CERS6: variants seen among roughly 807,000 people sequenced by gnomAD.
The protein encoded by CERS6 is ceramide synthase 6.
A neutral mutation model predicts 56.8 loss-of-function variants in CERS6; 26 were observed. The ratio of observed to expected loss-of-function variants is 0.46; its 90% CI spans 0.34 to 0.63. The LOEUF is 0.63. CERS6 is among the 30% of genes least tolerant of loss of function. The pLI, the probability that CERS6 is intolerant of heterozygous loss-of-function variation, is 0.01. For synonymous variants in CERS6, 164 were observed against 173.3 expected (o/e 0.95, Z 0.42); for missense variants, 415 against 467.5 (o/e 0.89, Z 1.04).
chr2:168,627,513 G>A (rs1197900767), intron 3 of CERS6, among the ~76,000 whole-genome samples: 1 of 151,998 alleles, frequency 6.6e-6, no homozygotes, highest in Non-Finnish European at 1.5e-5. Flanking sequence ...CTTTCTTTTG[G>A]CACTTAATAA....
intron 1 of CERS6, among the ~76,000 whole-genome samples, chr2:168,536,447 T>G (rs1323979516): frequency 6.6e-6 from 1 of 152,066 alleles, no homozygotes; most frequent in African/African-American, 2.4e-5. Flanking sequence ...ATAAGTAGAT[T>G]CTAGCTGCTT....
At chr2:168,550,282 C>G (rs1695542682) in intron 2 of CERS6, among the ~76,000 whole-genome samples, 1 of 152,002 alleles carries the variant, frequency 6.6e-6, no homozygotes, top group African/African-American at 2.4e-5. Context: ...CTCAAATGAT[C>G]CTCTTGCTTC....
At chr2:168,600,506 C>T (rs1683909852) in intron 3 of CERS6, among the ~76,000 whole-genome samples, 1 of 152,154 alleles carries the variant, frequency 6.6e-6, no homozygotes, top group Non-Finnish European at 1.5e-5. Flanking sequence ...GCCCGGCCTG[C>T]CATACTTCTC....
At position 168,588,457 on chromosome 2, in the gene CERS6, G is replaced by C. The variant is rs1399612275; in HGVS notation, c.407+27135G>C. Among the ~76,000 whole-genome samples, 3 of 151,800 alleles carry C rather than the reference G, an allele frequency of 2.0e-5. No homozygotes were observed. The East Asian group carries it at 5.8e-4, about 29-fold the overall frequency. The stretch of plus-strand genomic sequence containing the variant: ...TCCCTCATAACCCCCACTCTACTTT[G>C]TTTCTATGAATTTAATGACCGTAAG... On this transcript the variant is annotated intron_variant, in intron 3 of 9. Transcript: ENST00000305747.
chr2:168,460,329 G>C (rs1693756718), intron 1 of CERS6, among the ~76,000 whole-genome samples: 1 of 151,886 alleles, frequency 6.6e-6, no homozygotes, highest in Non-Finnish European at 1.5e-5. Flanking sequence ...CGAGTAGCTA[G>C]GACCACAGGT....
At chr2:168,678,531 A>G (rs1686126090) in intron 4 of CERS6, among the ~76,000 whole-genome samples, 1 of 152,114 alleles carries the variant, frequency 6.6e-6, no homozygotes, top group Non-Finnish European at 1.5e-5. Flanking sequence ...CTACCTTCAT[A>G]ATATGTTTCT....
chr2:168,598,486 G>A (rs1266013355), intron 3 of CERS6, among the ~76,000 whole-genome samples: 1 of 151,534 alleles, frequency 6.6e-6, no homozygotes, highest in Non-Finnish European at 1.5e-5. Context: ...AAAAATAATG[G>A]CAAGGGGCAA....
At chr2:168,521,537 A>G (rs1694983588) in intron 1 of CERS6, among the ~76,000 whole-genome samples, 1 of 152,186 alleles carries the variant, frequency 6.6e-6, no homozygotes, top group Non-Finnish European at 1.5e-5. Flanking sequence ...GGAGATGGTG[A>G]TAGTAACACA....
chr2:168,765,459 C>G, intron 8 of CERS6, 133 bp from the exon 9 acceptor site: 2 of 818,556 alleles, frequency 2.4e-6, no homozygotes, highest in Non-Finnish European at 3.6e-6. Context: ...ACCTGGCAAG[C>G]TTTCACACCA....
chr2:168,581,667 C>T (rs1009737950), intron 3 of CERS6, among the ~76,000 whole-genome samples: 1 of 151,976 alleles, frequency 6.6e-6, no homozygotes, highest in African/African-American at 2.4e-5. Flanking sequence ...TCATAGTTTC[C>T]TGTTCTTTGC....
chr2:168,494,079 G>A lies in CERS6; in HGVS notation c.170+37461G>A, dbSNP rs559143966. 2.0e-5 allele frequency among the ~76,000 whole-genome samples: 3 copies of A among 152,234 alleles called. No homozygotes were observed. In the South Asian group the frequency reaches 6.2e-4, roughly 32 times the overall value. On this transcript the variant is annotated intron_variant, in intron 1 of 9. Coordinates refer to ENST00000305747, the MANE Select transcript of CERS6 (RefSeq NM_203463.3). ...CCAGTGTTGTAGGAGGAATCGTCGAGGGCTCAGGGAATGTTTCTCTTGTCC... is the reference window on the plus strand; with the variant it reads ...CCAGTGTTGTAGGAGGAATCGTCGAAGGCTCAGGGAATGTTTCTCTTGTCC...
At chr2:168,676,889 G>A (rs921035795) in intron 4 of CERS6, among the ~76,000 whole-genome samples, 1 of 151,976 alleles carries the variant, frequency 6.6e-6, no homozygotes, top group African/African-American at 2.4e-5. Context: ...TTCTAATCGC[G>A]ACTGTCTGCT....
intron 6 of CERS6, among the ~76,000 whole-genome samples, chr2:168,701,203 A>C (rs1686797476): frequency 6.6e-6 from 1 of 152,162 alleles, no homozygotes; most frequent in South Asian, 2.1e-4. Flanking sequence ...GTTTTAAACC[A>C]CTGAGGTTTT....
intron 4 of CERS6, among the ~76,000 whole-genome samples, chr2:168,683,459 T>C (rs1686268142): frequency 6.6e-6 from 1 of 152,218 alleles, no homozygotes; most frequent in Non-Finnish European, 1.5e-5. Context: ...TCTTTACATA[T>C]TAGAAATAGT....
chr2:168,633,481 A>G (rs932290490), intron 4 of CERS6, among the ~76,000 whole-genome samples: 6 of 152,148 alleles, frequency 3.9e-5, no homozygotes, highest in African/African-American at 1.4e-4. Flanking sequence ...TGAACCTGAC[A>G]AGAAACACAT....
At chr2:168,509,851 A>G (rs904704545) in intron 1 of CERS6, among the ~76,000 whole-genome samples, 4 of 152,188 alleles carry the variant, frequency 2.6e-5, no homozygotes, top group African/African-American at 7.2e-5. Flanking sequence ...ACTTGAGGCT[A>G]GGAGTTTGAG....
intron 3 of CERS6, among the ~76,000 whole-genome samples, chr2:168,614,634 C>T (rs1439168915): frequency 6.6e-6 from 1 of 152,132 alleles, no homozygotes; most frequent in Non-Finnish European, 1.5e-5. Context: ...CATGACACAG[C>T]AGAGGCAGCC....
chr2:168,758,640 C>T (rs1684480101), intron 8 of CERS6, among the ~76,000 whole-genome samples: 1 of 152,170 alleles, frequency 6.6e-6, no homozygotes, highest in Non-Finnish European at 1.5e-5. Context: ...GTGCTGCTGC[C>T]TATATGTCAC....
At chr2:168,482,685 T>C (rs959189765) in intron 1 of CERS6, among the ~76,000 whole-genome samples, 2 of 152,262 alleles carry the variant, frequency 1.3e-5, no homozygotes, top group African/African-American at 4.8e-5. Flanking sequence ...TATCTTTGAT[T>C]AGTGCAGTGG....
Sources: allele counts gnomAD v4.1 joint callset (sites outside exome capture counted in the v4.1 genomes callset), GRCh38; gene constraint gnomAD v4.1.1; transcripts MANE v1.5; gene names NCBI Gene and HGNC (gene_info 2026-07-23, HGNC 2026-07-21).